FSTL4: variants seen among roughly 807,000 people sequenced by gnomAD.
The protein encoded by FSTL4 is follistatin-related protein 4.
In FSTL4, 28 loss-of-function variants were observed where a neutral mutation model predicts 78.2. The observed-to-expected ratio is 0.36, with a 90% CI of 0.27 to 0.49. The LOEUF is 0.49. FSTL4 is among the 20% of genes least tolerant of loss of function. The probability of loss-of-function intolerance (pLI) is 0.98; values close to 1 mark genes in which losing one functional copy is unlikely to be tolerated. For synonymous variants in FSTL4, 422 were observed against 440.5 expected, an observed-to-expected ratio of 0.96 and a Z score of 0.53; for missense variants, 922 against 1,084.9, an observed-to-expected ratio of 0.85 and a Z score of 2.11.
chr5:133,606,524 C>T (rs1004574663), intron 1 of FSTL4, among the ~76,000 whole-genome samples: 6 of 152,162 alleles, frequency 3.9e-5, no homozygotes, highest in African/African-American at 1.4e-4. Context: ...CAGAAAACAG[C>T]GAGTGGATTT....
the FSTL4 span, among the ~76,000 whole-genome samples, chr5:133,686,059 G>T: frequency 6.6e-6 from 1 of 152,170 alleles, no homozygotes; most frequent in Non-Finnish European, 1.5e-5. Context: ...CAGCACAGGG[G>T]ACTCTGTTCT....
At chr5:133,666,347 A>G in the FSTL4 span, among the ~76,000 whole-genome samples, 1 of 152,204 alleles carries the variant, frequency 6.6e-6, no homozygotes, top group Non-Finnish European at 1.5e-5. Context: ...GAAGCCTTGA[A>G]AATATTGGTG....
chr5:133,485,930 C>A (rs1419930998), intron 3 of FSTL4, among the ~76,000 whole-genome samples: 1 of 152,166 alleles, frequency 6.6e-6, no homozygotes, highest in Admixed American at 6.5e-5. Flanking sequence ...AGTGGCAAAT[C>A]CCAATTTTCT....
chr5:133,496,907 G>A (rs551940520), intron 3 of FSTL4, among the ~76,000 whole-genome samples: 4 of 152,084 alleles, frequency 2.6e-5, no homozygotes, highest in African/African-American at 7.2e-5. Flanking sequence ...CCAAAGCCCT[G>A]ACTCCCCCTT....
intron 7 of FSTL4, chr5:133,247,258 T>C (rs1282184959): frequency 6.6e-6 from 1 of 152,216 alleles, no homozygotes; most frequent in Non-Finnish European, 1.5e-5. Context: ...TCATCTCTGG[T>C]TGCACCCACA....
rs1751295614 is a variant in FSTL4 at position 133,225,345 on chromosome 5, A to G, written c.1178-61T>C. Reference sequence around the variant, plus strand: ...GCTGGAGACCCACTCACTTTCCTTTATGGGGCCATTGAGAGTGTTAGGGCT... The same window carrying G: ...GCTGGAGACCCACTCACTTTCCTTTGTGGGGCCATTGAGAGTGTTAGGGCT... On this transcript the variant is annotated intron_variant, in intron 9 of 15. Transcript: ENST00000265342. The surrounding 1 kb of genome is among the most constrained non-coding windows in gnomAD (Gnocchi z 4.6). 6 of 1,604,694 alleles carry G rather than the reference A, an allele frequency of 3.7e-6. No homozygotes were observed. Among genetic ancestry groups the G allele is most frequent in the Non-Finnish European group, 5.1e-6 (6 of 1,172,526 alleles).
chr5:133,689,458 T>C, the FSTL4 span, among the ~76,000 whole-genome samples: 1 of 152,250 alleles, frequency 6.6e-6, no homozygotes, highest in Admixed American at 6.5e-5. Context: ...TGCATTTTTT[T>C]CCCACAATAG....
chr5:133,622,228 T>C, the FSTL4 span, among the ~76,000 whole-genome samples: 4 of 152,242 alleles, frequency 2.6e-5, no homozygotes, highest in Non-Finnish European at 5.9e-5. Context: ...CATGTGTCAA[T>C]AGTTTTGCTC....
chr5:133,801,218 C>G, the FSTL4 span, among the ~76,000 whole-genome samples: 2 of 152,190 alleles, frequency 1.3e-5, no homozygotes, highest in Admixed American at 1.3e-4. Flanking sequence ...GTCTCTGAAC[C>G]AACAGCTTCC....
the FSTL4 span, among the ~76,000 whole-genome samples, chr5:133,760,507 C>G: frequency 6.6e-6 from 1 of 152,194 alleles, no homozygotes; most frequent in African/African-American, 2.4e-5. Context: ...CTCACCTGAC[C>G]TGGAGTGTCC....
chr5:133,445,017 C>T (rs1044912731), intron 3 of FSTL4, among the ~76,000 whole-genome samples: 2 of 152,236 alleles, frequency 1.3e-5, no homozygotes, highest in Non-Finnish European at 1.5e-5. Flanking sequence ...CAGATGGAAA[C>T]ACACACCTTG....
chr5:133,297,176 CG>C (rs1753416060), intron 6 of FSTL4, among the ~76,000 whole-genome samples: 1 of 152,228 alleles, frequency 6.6e-6, no homozygotes, highest in Non-Finnish European at 1.5e-5. Context: ...TGGTATCCTA[CG>C]TGCAGGATCT....
intron 3 of FSTL4, among the ~76,000 whole-genome samples, chr5:133,429,349 C>A (rs561165536): frequency 6.6e-6 from 1 of 152,178 alleles, no homozygotes; most frequent in Admixed American, 6.5e-5. Flanking sequence ...ATCATCTCCA[C>A]AACAATCTCA....
chr5:133,433,119 C>T (rs142169138), intron 3 of FSTL4, among the ~76,000 whole-genome samples: 91 of 152,354 alleles, frequency 6.0e-4, no homozygotes, highest in African/African-American at 2.1e-3. Context: ...AAAATCTAAG[C>T]TGTTCTCTTT....
At chr5:133,323,172 G>A (rs747017) in intron 4 of FSTL4, among the ~76,000 whole-genome samples, 7 of 152,156 alleles carry the variant, frequency 4.6e-5, no homozygotes, top group Non-Finnish European at 8.8e-5. Flanking sequence ...CACAAGGTCA[G>A]ACAGAACACT....
chr5:133,671,771 G>A, the FSTL4 span, among the ~76,000 whole-genome samples: 3 of 152,246 alleles, frequency 2.0e-5, no homozygotes, highest in South Asian at 6.2e-4. Flanking sequence ...GAAGTAACTT[G>A]TGGAATGCTG....
chr5:133,337,119 G>A (rs767731553), intron 4 of FSTL4, among the ~76,000 whole-genome samples: 3 of 152,224 alleles, frequency 2.0e-5, no homozygotes, highest in African/African-American at 7.2e-5. Context: ...TTGGGATATC[G>A]TCCTCTCCGG....
intron 2 of FSTL4, among the ~76,000 whole-genome samples, chr5:133,599,854 G>A (rs1474274060): frequency 6.6e-6 from 1 of 151,832 alleles, no homozygotes; most frequent in Non-Finnish European, 1.5e-5. Flanking sequence ...AAGTGGGGGG[G>A]CGGCCACTGC....
intron 6 of FSTL4, among the ~76,000 whole-genome samples, chr5:133,311,272 T>G (rs1402616966): frequency 2.0e-5 from 3 of 152,152 alleles, no homozygotes; most frequent in African/African-American, 4.8e-5. Context: ...CGCAGCAGGA[T>G]AAGCCTACCA....
Sources: gnomAD v4.1 joint callset for allele counts (sites outside exome capture counted in the v4.1 genomes callset) on GRCh38, gnomAD v4.1.1 for gene constraint, Gnocchi (gnomAD v3.1) non-coding constraint, MANE v1.5 for transcripts, NCBI Gene and HGNC (gene_info 2026-07-23, HGNC 2026-07-21) for gene names.